NEK1: variants seen among roughly 807,000 people sequenced by gnomAD.
NEK1 encodes the protein serine/threonine-protein kinase Nek1.
Under a neutral mutation model 182.1 loss-of-function variants are expected in NEK1, and 137 were observed. That is an observed-to-expected ratio of 0.75 (90% CI 0.65 to 0.87). NEK1 has a LOEUF of 0.87. Among genes scored for constraint, NEK1 ranks in the 40% least tolerant of loss-of-function variants. The probability of loss-of-function intolerance (pLI) is 0.00; values close to 1 mark genes in which losing one functional copy is unlikely to be tolerated. For missense variants in NEK1, 1,391 were observed against 1,494.4 expected (o/e 0.93, Z 1.14); for synonymous variants, 513 against 492.2 (o/e 1.04, Z -0.56).
intron 31 of NEK1, among the ~76,000 whole-genome samples, chr4:169,424,163 A>G (rs1342701057): frequency 6.6e-6 from 1 of 152,236 alleles, no homozygotes; most frequent in Non-Finnish European, 1.5e-5. Context: ...GAAAGTGCAT[A>G]TGAATATCTC....
At chr4:169,553,180 G>T (rs1761678550) in intron 18 of NEK1, among the ~76,000 whole-genome samples, 1 of 152,146 alleles carries the variant, frequency 6.6e-6, no homozygotes, top group African/African-American at 2.4e-5. Context: ...CAGTAGAACA[G>T]AACAGAGAGC....
intron 16 of NEK1, among the ~76,000 whole-genome samples, chr4:169,556,584 T>A (rs771717085): frequency 6.6e-6 from 1 of 152,094 alleles, no homozygotes; most frequent in Non-Finnish European, 1.5e-5. Flanking sequence ...ATGTTCTATA[T>A]GTATATAAAA....
intron 27 of NEK1, among the ~76,000 whole-genome samples, chr4:169,439,069 G>GC (rs1738944120): frequency 1.3e-5 from 2 of 152,200 alleles, no homozygotes; most frequent in Non-Finnish European, 2.9e-5. Context: ...TACATTTTCT[G>GC]TCATCTCCAT....
At chr4:169,571,182 ATAAATAAATAAAT>A (rs1561437352) in intron 12 of NEK1, among the ~76,000 whole-genome samples, 1 of 79,760 alleles carries the variant, frequency 1.3e-5, no homozygotes, top group African/African-American at 6.0e-5. Context: ...CAATAAAAAA[ATAAATAAATAAAT>A]AAATAAATAA....
intron 27 of NEK1, among the ~76,000 whole-genome samples, chr4:169,455,456 A>G (rs1742685147): frequency 6.6e-6 from 1 of 152,224 alleles, no homozygotes; most frequent in African/African-American, 2.4e-5. Flanking sequence ...AAAAAAGGGC[A>G]GAAGTAACTA....
chr4:169,442,246 A>G (rs928071697), intron 27 of NEK1, among the ~76,000 whole-genome samples: 34 of 152,334 alleles, frequency 2.2e-4, no homozygotes, highest in African/African-American at 7.5e-4. Context: ...GACTGGCTCA[A>G]CTGGCTCCCT....
chr4:169,424,694 G>A lies in NEK1; in HGVS notation c.3081C>T (p.Val1027=), dbSNP rs1161092125. 2 of 1,613,716 alleles carry A rather than the reference G, an allele frequency of 1.2e-6. No individual in the cohort carries two copies. The highest frequency in any genetic ancestry group is 1.7e-5 in the Admixed American group (1 of 60,000). ...KVVHSEHLNL[V]PQVQSVQCSP... Reference sequence around the variant, plus strand: ...AACACTGAACTGATTGAACTTGAGGGACTAAGTTCAAGTGTTCAGAATGAA... The same window carrying A: ...AACACTGAACTGATTGAACTTGAGGAACTAAGTTCAAGTGTTCAGAATGAA... Residue 1027 remains valine (V), a synonymous_variant, in exon 31 of 36, where the codon GTC becomes GTT. Coordinates refer to ENST00000507142, the MANE Select transcript of NEK1 (RefSeq NM_001199397.3).
chr4:169,433,528 G>C lies in NEK1; in HGVS notation c.2885+17C>G, dbSNP rs1737817473. On this transcript the variant is annotated intron_variant, in intron 29 of 35. Transcript: ENST00000507142. The stretch of plus-strand genomic sequence containing the variant: ...AAGGGACCTGGGTTTTAAAATGTCA[G>C]GAAAAGATGTACATACTGAGTTTCC... 1 of 1,590,448 alleles carries C rather than the reference G, an allele frequency of 6.3e-7. No homozygotes were observed. The highest frequency in any genetic ancestry group is 1.8e-5 in the Admixed American group (1 of 55,740).
Position 169,561,838 on chromosome 4 carries a change from C to T in NEK1, c.1134G>A (p.Lys378=). Residue 378 remains lysine, a synonymous_variant, in exon 14 of 36, where the codon AAG becomes AAA. Transcript: ENST00000507142. ...LEFIEKEKKQ[K]DQIISLMKAE... ...AACAAGAGCAAAAAACTACCTGATCCTTTTGTTTCTTTTCTTTTTCAATAA... is the reference window on the plus strand; with the variant it reads ...AACAAGAGCAAAAAACTACCTGATCTTTTTGTTTCTTTTCTTTTTCAATAA... The T allele has an allele frequency of 6.2e-7, 1 of 1,610,038 alleles. No homozygotes were observed. The highest frequency in any genetic ancestry group is 8.5e-7 in the Non-Finnish European group (1 of 1,178,468).
At position 169,424,571 on chromosome 4, in the gene NEK1, A is replaced by G; in HGVS notation, c.3204T>C (p.Phe1068=). The G allele has an allele frequency of 1.2e-6, 2 of 1,605,602 alleles. No individual in the cohort carries two copies. The highest frequency in any genetic ancestry group is 2.2e-5 in the East Asian group (1 of 44,676). ...TACTTGCCTTTGGGTTGTTTGCATC[A>G]AACAGACCAGTTGAAAGTCCAATCA... The part of the protein sequence containing the change: ...SLLIGLSTGL[F]DANNPKMLRT... The change falls in exon 31 of 36, where the codon TTT becomes TTC. Residue 1068 remains phenylalanine (F), a synonymous_variant. Transcript: ENST00000507142.
At chr4:169,593,231 G>T (rs1768835162) in intron 5 of NEK1, among the ~76,000 whole-genome samples, 1 of 152,046 alleles carries the variant, frequency 6.6e-6, no homozygotes, top group African/African-American at 2.4e-5. Context: ...AATATTTTAG[G>T]TTTTGCAGGC....
chr4:169,545,401 T>C (rs1189273462), intron 18 of NEK1, among the ~76,000 whole-genome samples: 2 of 151,682 alleles, frequency 1.3e-5, no homozygotes, highest in South Asian at 2.1e-4. Flanking sequence ...TATGGCTGCA[T>C]AGTATTCCAT....
chr4:169,492,702 C>T (rs1041042260), intron 23 of NEK1, among the ~76,000 whole-genome samples: 17 of 152,158 alleles, frequency 1.1e-4, no homozygotes, highest in African/African-American at 4.1e-4. Flanking sequence ...TGAGCCACTG[C>T]ACCACCACCC....
At chr4:169,528,529 G>A (rs1018894015) in intron 19 of NEK1, among the ~76,000 whole-genome samples, 1 of 152,140 alleles carries the variant, frequency 6.6e-6, no homozygotes, top group Non-Finnish European at 1.5e-5. Context: ...ACAGTCTTGT[G>A]AGACTCCAGG....
intron 26 of NEK1, among the ~76,000 whole-genome samples, chr4:169,474,236 A>G (rs552555055): frequency 1.3e-5 from 2 of 152,348 alleles, no homozygotes; most frequent in South Asian, 4.1e-4. Flanking sequence ...CAGGCAACGC[A>G]TAAACCAAGA....
rs542295203 is a variant in NEK1, at chr4:169,588,576, C to T, written c.551+73G>A. ...GTATTATTTATTTTAGAATAGTATTCCAAAGGTTAATAAACATGACAACAA... is the reference window on the plus strand; with the variant it reads ...GTATTATTTATTTTAGAATAGTATTTCAAAGGTTAATAAACATGACAACAA... On this transcript the variant is annotated intron_variant, in intron 8 of 35. Transcript: ENST00000507142. 4.6e-5 allele frequency: 38 copies of T among 822,112 alleles called. No homozygotes were observed. The African/African-American group carries it at 6.0e-4, about 13-fold the overall frequency. 50.9% of individuals were successfully genotyped at this position (822,112 alleles called of 1,614,324 possible).
chr4:169,539,733 T>C (rs923682187), intron 18 of NEK1, among the ~76,000 whole-genome samples: 4 of 152,170 alleles, frequency 2.6e-5, no homozygotes, highest in African/African-American at 9.7e-5. Context: ...ACTCTATGGT[T>C]ACAGATAAGG....
At chr4:169,601,403 T>C (rs1266942945) in intron 4 of NEK1, among the ~76,000 whole-genome samples, 3 of 152,154 alleles carry the variant, frequency 2.0e-5, no homozygotes, top group Non-Finnish European at 4.4e-5. Context: ...TTAGAGAAGC[T>C]TTGCCTTATC....
At chr4:169,543,576 C>A (rs1759835859) in intron 18 of NEK1, among the ~76,000 whole-genome samples, 2 of 152,282 alleles carry the variant, frequency 1.3e-5, no homozygotes, top group South Asian at 4.1e-4. Context: ...TTACTTTGGG[C>A]AGTATAGTCA....
Sources: gnomAD v4.1 joint callset for allele counts (sites outside exome capture counted in the v4.1 genomes callset) on GRCh38, gnomAD v4.1.1 for gene constraint, MANE v1.5 for transcripts, NCBI Gene and HGNC (gene_info 2026-07-23, HGNC 2026-07-21) for gene names.